Variants in PGLYRP4 observed in about 807,000 individuals in gnomAD.
PGLYRP4 encodes peptidoglycan recognition protein 4.
Under a neutral mutation model 41.2 loss-of-function variants are expected in PGLYRP4, and 39 were observed. The ratio of observed to expected loss-of-function variants is 0.95; its 90% confidence interval spans 0.73 to 1.24. PGLYRP4 has a LOEUF of 1.24. PGLYRP4 is among the 50% of genes most tolerant of loss of function. PGLYRP4 has a pLI of 0.00. For missense variants in PGLYRP4, 467 were observed against 460.7 expected (o/e 1.01, Z -0.13); for synonymous variants, 202 against 186.8 (o/e 1.08, Z -0.66).
At chr1:153,340,697 C>T (rs1012016492) in intron 6 of PGLYRP4, 118 bp from the exon 7 acceptor site, 12 of 942,744 alleles carry the variant, frequency 1.3e-5, no homozygotes, top group Admixed American at 2.3e-5. Flanking sequence ...TCTGGGTCTC[C>T]CACCCTGCCC....
chr1:153,342,810 CAGAG>C (rs1288166759), intron 5 of PGLYRP4, among the ~76,000 whole-genome samples: 7 of 152,292 alleles, frequency 4.6e-5, no homozygotes, highest in African/African-American at 1.7e-4. Flanking sequence ...GATAAGCTTG[CAGAG>C]AGATGACTGG....
rs1466367900 is a variant in PGLYRP4 at position 153,341,664 on chromosome 1, G to A, written c.588C>T (p.Asn196=). The A allele has an allele frequency of 1.2e-5, 20 of 1,613,568 alleles. No individual in the cohort carries two copies. The highest frequency in any genetic ancestry group is 1.6e-5 in the Non-Finnish European group (19 of 1,179,994). The change falls in exon 6 of 9, where the codon AAC becomes AAT. Residue 196 remains asparagine, a synonymous_variant. Transcript: ENST00000359650. The part of the protein sequence containing the change: ...YVQPLLGKGE[N]CLAPRQKTSL... The stretch of plus-strand genomic sequence containing the variant: ...TTGTCTTCTGCCGAGGGGCCAGGCA[G>A]TTCTCGCCTTTCCCAAGAAGTGGCT...
At chr1:153,347,038 G>T (rs953877274) in intron 2 of PGLYRP4, among the ~76,000 whole-genome samples, 2 of 152,158 alleles carry the variant, frequency 1.3e-5, no homozygotes, top group Admixed American at 1.3e-4. Flanking sequence ...TTAAGAGAGA[G>T]TAGGTTTTGG....
chr1:153,335,536 C>T (rs1660518618), intron 8 of PGLYRP4, among the ~76,000 whole-genome samples: 1 of 150,166 alleles, frequency 6.7e-6, no homozygotes, highest in Non-Finnish European at 1.5e-5. Context: ...ACCATCCTAG[C>T]CAACATGGTG....
chr1:153,340,634 C>T (rs1466918471), intron 6 of PGLYRP4, 55 bp from the exon 7 acceptor site: 31 of 1,556,056 alleles, frequency 2.0e-5, no homozygotes, highest in Non-Finnish European at 2.6e-5. Flanking sequence ...ATGCCAGCCA[C>T]TTCTCCACCG....
In PGLYRP4 at chr1:153,340,482, A is replaced by G. The variant is rs778319354; in HGVS notation, c.723T>C (p.Thr241=). 2 of 1,614,194 alleles carry G rather than the reference A, an allele frequency of 1.2e-6. No individual in the cohort carries two copies. The highest frequency in any genetic ancestry group is 1.7e-6 in the Non-Finnish European group (2 of 1,180,026). ...CAGAAATGTTGCAGGTCCTCCCGGC[A>G]GTGTGGATAATGATGCCATACTTCG... The part of the protein sequence containing the change: ...LPAKYGIIIH[T]AGRTCNISDE... Residue 241 remains threonine, a synonymous_variant, in exon 7 of 9, where the codon ACT becomes ACC. Coordinates refer to ENST00000359650, the MANE Select transcript of PGLYRP4 (RefSeq NM_020393.4).
Position 153,347,896 on chromosome 1 carries a change from T to G in PGLYRP4, c.37A>C (p.Ile13Leu), listed in dbSNP as rs3006458. The G allele has an allele frequency of 0.84, 1,353,907 of 1,611,302 alleles. 570,217 individuals carry two copies. The highest frequency in any genetic ancestry group is 0.85 in the Non-Finnish European group (1,006,901 of 1,177,860). The change falls in exon 2 of 9, where the codon ATC becomes CTC. Residue 13 changes from isoleucine to leucine, a missense_variant. Physicochemically the swap from Ile to Leu is conservative, Grantham distance 5. Transcript: ENST00000359650. ...AAAGAAAACTTACCCCAGGCCTGGA[T>G]ACCCAGAGCAGAGAAGACAAGAAGC... ...PWLLVFSALG[I>L]QAWGDSSWNK... is the part of the protein sequence containing the mutation.
intron 4 of PGLYRP4, among the ~76,000 whole-genome samples, chr1:153,344,725 C>T (rs913020934): frequency 2.0e-5 from 3 of 152,120 alleles, no homozygotes; most frequent in African/African-American, 2.4e-5. Flanking sequence ...TGGAGGAGCA[C>T]GCCAGGGATG....
At chr1:153,337,132 C>T (rs1196881297) in intron 8 of PGLYRP4, 49 bp downstream of exon 8, 1 of 1,273,942 alleles carries the variant, frequency 7.8e-7, no homozygotes, top group Non-Finnish European at 1.1e-6. Flanking sequence ...GTCAGATGCT[C>T]TCTTTCAAAT....
intron 7 of PGLYRP4, among the ~76,000 whole-genome samples, chr1:153,339,151 T>C (rs754795018): frequency 2.7e-4 from 41 of 152,224 alleles, no homozygotes; most frequent in Non-Finnish European, 5.6e-4. Flanking sequence ...AACTACCCTC[T>C]GAGACCTGAA....
At chr1:153,335,674 G>A (rs372854830) in intron 8 of PGLYRP4, among the ~76,000 whole-genome samples, 125 of 151,832 alleles carry the variant, frequency 8.2e-4, no homozygotes, top group Middle Eastern at 3.4e-3. Context: ...GCAGTGAGCC[G>A]AGGTCACACC....
rs759848933 is a variant in PGLYRP4 at position 153,345,334 on chromosome 1, G to GC, written c.187dup (p.Ala63GlyfsTer52). Reference sequence around the variant, plus strand: ...CTGAATACTGCAGCCAACAGCTTCTGCCCCCCATGCCTTGCGAGAGACCGT... The same window carrying GC: ...CTGAATACTGCAGCCAACAGCTTCTGCCCCCCCATGCCTTGCGAGAGACCGT... On this transcript the variant is annotated frameshift_variant, in exon 4 of 9. Transcript: ENST00000359650. LOFTEE classifies it high-confidence loss of function. 57 of 1,614,010 alleles carry GC rather than the reference G, an allele frequency of 3.5e-5. 2 individuals carry two copies. In the South Asian group the frequency reaches 4.7e-4, roughly 13 times the overall value.
intron 4 of PGLYRP4, among the ~76,000 whole-genome samples, chr1:153,344,118 C>G (rs1365900247): frequency 6.6e-6 from 1 of 152,202 alleles, no homozygotes; most frequent in South Asian, 2.1e-4. Flanking sequence ...CTGATAAACT[C>G]TCCCACCCTG....
At chr1:153,341,590 C>A (rs1425901814) in intron 6 of PGLYRP4, 37 bp downstream of exon 6, 5 of 1,584,800 alleles carry the variant, frequency 3.2e-6, no homozygotes, top group Non-Finnish European at 3.4e-6. Context: ...GGGGTGAGCC[C>A]AGTGGCAGGC....
chr1:153,343,859 C>T (rs1660897734), intron 4 of PGLYRP4, among the ~76,000 whole-genome samples: 2 of 152,130 alleles, frequency 1.3e-5, no homozygotes, highest in South Asian at 2.1e-4. Context: ...ACAGCTCAGG[C>T]GCAGAGAGGG....
At chr1:153,344,852 G>A (rs909682926) in intron 4 of PGLYRP4, among the ~76,000 whole-genome samples, 2 of 152,074 alleles carry the variant, frequency 1.3e-5, no homozygotes, top group African/African-American at 2.4e-5. Context: ...CCTACCAGTC[G>A]GGAGAGCTAA....
intron 3 of PGLYRP4, among the ~76,000 whole-genome samples, chr1:153,345,712 C>T (rs544185372): frequency 6.6e-6 from 1 of 152,360 alleles, no homozygotes; most frequent in East Asian, 1.9e-4. Context: ...CTTGGTGTCA[C>T]CTCAGCATTC....
At chr1:153,337,119 C>T in intron 8 of PGLYRP4, 62 bp downstream of exon 8, 1 of 1,174,132 alleles carries the variant, frequency 8.5e-7, no homozygotes, top group Admixed American at 1.7e-5. Flanking sequence ...CTTTGTCTTC[C>T]ATGTCAGATG....
chr1:153,343,552 T>C (rs1353150292), intron 4 of PGLYRP4, among the ~76,000 whole-genome samples: 2 of 152,164 alleles, frequency 1.3e-5, no homozygotes, highest in Non-Finnish European at 2.9e-5. Context: ...AACCGGGCTC[T>C]CCTACCTCCT....
Sources: gnomAD v4.1 joint callset for allele counts (sites outside exome capture counted in the v4.1 genomes callset) on GRCh38, gnomAD v4.1.1 for gene constraint, MANE v1.5 for transcripts, NCBI Gene and HGNC (gene_info 2026-07-23, HGNC 2026-07-21) for gene names.